Variants in HHAT observed in about 807,000 individuals in gnomAD.
HHAT encodes the protein hedgehog acyltransferase.
A neutral mutation model predicts 70.8 loss-of-function variants in HHAT; 47 were observed. The ratio of observed to expected loss-of-function variants is 0.66; its 90% CI spans 0.53 to 0.85. The LOEUF (loss-of-function observed/expected upper bound fraction) is 0.85. Among genes scored for constraint, HHAT ranks in the 40% least tolerant of loss-of-function variants. The probability of loss-of-function intolerance (pLI) is 0.00; values close to 1 mark genes in which losing one functional copy is unlikely to be tolerated. For synonymous variants in HHAT, 228 were observed against 247.6 expected, an observed-to-expected ratio of 0.92 and a Z score of 0.74; for missense variants, 609 against 604.8, an observed-to-expected ratio of 1.01 and a Z score of -0.07.
chr1:210,357,265 G>A (rs758012237), intron 2 of HHAT, among the ~76,000 whole-genome samples: 1 of 152,056 alleles, frequency 6.6e-6, no homozygotes, highest in Non-Finnish European at 1.5e-5. Context: ...TCAAAACATG[G>A]CACCTTGGCA....
chr1:210,474,115 G>T (rs2094258383), intron 8 of HHAT, among the ~76,000 whole-genome samples: 1 of 151,994 alleles, frequency 6.6e-6, no homozygotes, highest in Admixed American at 6.6e-5. Flanking sequence ...CTAATTTGGG[G>T]ATCCACAAGC....
At chr1:210,664,687 C>A (rs942654855) in intron 11 of HHAT, among the ~76,000 whole-genome samples, 3 of 147,198 alleles carry the variant, frequency 2.0e-5, no homozygotes, top group Non-Finnish European at 4.5e-5. Flanking sequence ...AGGCATGGAC[C>A]AGTGGATCCA....
chr1:210,597,227 A>T (rs1663206141), intron 10 of HHAT, among the ~76,000 whole-genome samples: 1 of 152,180 alleles, frequency 6.6e-6, no homozygotes. Flanking sequence ...AGGTGGAGTG[A>T]CACAAAAACT....
At chr1:210,409,809 G>A (rs575487657) in intron 6 of HHAT, among the ~76,000 whole-genome samples, 1 of 152,322 alleles carries the variant, frequency 6.6e-6, no homozygotes, top group Non-Finnish European at 1.5e-5. Context: ...ATGAAATTAG[G>A]TTTTAAAGTA....
chr1:210,560,464 C>T (rs1416822039), intron 9 of HHAT, among the ~76,000 whole-genome samples: 1 of 151,954 alleles, frequency 6.6e-6, no homozygotes, highest in Non-Finnish European at 1.5e-5. Flanking sequence ...ACCCAGGGCA[C>T]TTACCTGTAA....
At chr1:210,398,506 C>T (rs764232292) in intron 4 of HHAT, among the ~76,000 whole-genome samples, 1 of 152,158 alleles carries the variant, frequency 6.6e-6, no homozygotes, top group African/African-American at 2.4e-5. Context: ...CATAGTCTCT[C>T]AAGTAAATGG....
chr1:210,520,683 A>G (rs1042983503), intron 9 of HHAT, among the ~76,000 whole-genome samples: 2 of 152,148 alleles, frequency 1.3e-5, no homozygotes, highest in African/African-American at 4.8e-5. Flanking sequence ...AAATTTGTCA[A>G]TTTATAATTT....
chr1:210,616,342 C>T (rs922272710), intron 10 of HHAT, among the ~76,000 whole-genome samples: 1 of 152,146 alleles, frequency 6.6e-6, no homozygotes, highest in South Asian at 2.1e-4. Flanking sequence ...CTCTCCAACA[C>T]CCCCTTTTCC....
intron 8 of HHAT, among the ~76,000 whole-genome samples, chr1:210,493,750 G>A (rs541603298): frequency 2.6e-5 from 4 of 152,230 alleles, no homozygotes; most frequent in East Asian, 1.9e-4. Context: ...GTCTCAAGGC[G>A]GCCCATTTGG....
In HHAT at chr1:210,328,987, C is replaced by T. The variant is rs980224334; in HGVS notation, c.-161C>T. On this transcript the variant is annotated 5_prime_UTR_variant, in exon 1 of 12. Transcript: ENST00000261458. ...CTCCGGGGGAAAGAGGGTGGCGTCC[C>T]GGGGAAGCCCGCAGCCGCCGCCGAT... 9.6e-6 allele frequency: 13 copies of T among 1,354,122 alleles called. No homozygotes were observed. The highest frequency in any genetic ancestry group is 1.5e-5 in the African/African-American group (1 of 65,982). The allele number at this position is 1,354,122 out of a possible 1,614,324, so 83.9% of individuals were successfully genotyped here. A position where few individuals can be genotyped will look rare whatever the true frequency, so the allele number is the denominator to read the frequency against.
At chr1:210,627,824 TA>T (rs1166573657) in intron 11 of HHAT, among the ~76,000 whole-genome samples, 1 of 152,196 alleles carries the variant, frequency 6.6e-6, no homozygotes, top group Non-Finnish European at 1.5e-5. Flanking sequence ...AAACTTTATT[TA>T]AAAGACTTAG....
At position 210,418,282 on chromosome 1, in the gene HHAT, C is replaced by T. The variant is rs773134593; in HGVS notation, c.813C>T (p.Tyr271=). The T allele has an allele frequency of 1.2e-6, 2 of 1,611,172 alleles. No individual in the cohort carries two copies. Among genetic ancestry groups the T allele is most frequent in the Non-Finnish European group, 1.7e-6 (2 of 1,178,572 alleles). ...MAHLMYMHAI[Y]SSIPLLETVS... The stretch of plus-strand genomic sequence containing the variant: ...ACCTGATGTACATGCATGCCATCTA[C>T]AGCAGCATCCCCCTCCTGGAGACTG... Residue 271 remains tyrosine, a synonymous_variant, in exon 7 of 12, where the codon TAC becomes TAT. Coordinates refer to ENST00000261458, the MANE Select transcript of HHAT (RefSeq NM_018194.6).
At chr1:210,355,642 C>T (rs1479070084) in intron 2 of HHAT, among the ~76,000 whole-genome samples, 1 of 152,042 alleles carries the variant, frequency 6.6e-6, no homozygotes, top group Non-Finnish European at 1.5e-5. Flanking sequence ...GAGTGGTTGG[C>T]CTGTAATTTT....
intron 9 of HHAT, among the ~76,000 whole-genome samples, chr1:210,562,712 A>G (rs1473353514): frequency 6.6e-5 from 10 of 151,348 alleles, no homozygotes; most frequent in African/African-American, 2.2e-4. Context: ...TGTGCAGGTT[A>G]GTTACATATG....
At chr1:210,562,210 G>T (rs2095629406) in intron 9 of HHAT, among the ~76,000 whole-genome samples, 1 of 151,724 alleles carries the variant, frequency 6.6e-6, no homozygotes, top group Admixed American at 6.5e-5. Context: ...ACCCTTTAGT[G>T]TAAACAATAT....
chr1:210,380,374 C>T (rs1350645323), intron 3 of HHAT, among the ~76,000 whole-genome samples: 6 of 152,022 alleles, frequency 3.9e-5, no homozygotes, highest in Non-Finnish European at 8.8e-5. Context: ...AACCCTGTCT[C>T]TACTAAAAAT....
intron 7 of HHAT, among the ~76,000 whole-genome samples, chr1:210,452,974 C>T (rs1381035447): frequency 6.6e-6 from 1 of 152,214 alleles, no homozygotes; most frequent in Non-Finnish European, 1.5e-5. Context: ...AAAAACCTGT[C>T]TAAGTGTAAG....
At chr1:210,641,730 A>G (rs1673002687) in intron 11 of HHAT, among the ~76,000 whole-genome samples, 1 of 152,224 alleles carries the variant, frequency 6.6e-6, no homozygotes, top group Non-Finnish European at 1.5e-5. Context: ...CAGTAGGGAC[A>G]CACAGCATGC....
intron 11 of HHAT, among the ~76,000 whole-genome samples, chr1:210,662,308 A>G (rs1416205417): frequency 6.6e-6 from 1 of 152,188 alleles, no homozygotes; most frequent in African/African-American, 2.4e-5. Context: ...CTGAATGCTA[A>G]GCACACAGTA....
Sources: gnomAD v4.1 joint callset for allele counts (sites outside exome capture counted in the v4.1 genomes callset) on GRCh38, gnomAD v4.1.1 for gene constraint, MANE v1.5 for transcripts, NCBI Gene and HGNC (gene_info 2026-07-23, HGNC 2026-07-21) for gene names.